Variants in DUS2 observed in about 807,000 individuals in gnomAD.
DUS2 encodes tRNA-dihydrouridine(20) synthase [NAD(P)+]-like.
In DUS2, 52 loss-of-function variants were observed where a neutral mutation model predicts 71.3. The observed-to-expected ratio is 0.73, with a 90% CI of 0.58 to 0.92. The LOEUF is 0.92. Among genes scored for constraint, DUS2 ranks in the 40% least tolerant of loss-of-function variants. The probability of loss-of-function intolerance (pLI) is 0.00; values close to 1 mark genes in which losing one functional copy is unlikely to be tolerated. For synonymous variants in DUS2, 204 were observed against 227.8 expected, an observed-to-expected ratio of 0.90 and a Z score of 0.94; for missense variants, 558 against 622.6, an observed-to-expected ratio of 0.90 and a Z score of 1.10.
intron 6 of DUS2, among the ~76,000 whole-genome samples, chr16:68,054,879 C>T (rs907835425): frequency 2.0e-5 from 3 of 152,096 alleles, no homozygotes; most frequent in African/African-American, 7.2e-5. Context: ...CCTGTCTCTA[C>T]TAAAAATACA....
At chr16:68,031,741 C>G (rs563430590) in intron 2 of DUS2, among the ~76,000 whole-genome samples, 1 of 152,156 alleles carries the variant, frequency 6.6e-6, no homozygotes, top group Admixed American at 6.6e-5. Flanking sequence ...GTTGCCCAGG[C>G]TGGAGGGCAG....
intron 4 of DUS2, among the ~76,000 whole-genome samples, chr16:68,049,795 T>C (rs1459011982): frequency 6.6e-6 from 1 of 152,136 alleles, no homozygotes; most frequent in East Asian, 1.9e-4. Context: ...CATCATAGCA[T>C]AGGAGGGACT....
At chr16:68,041,343 TG>T (rs2033622733) in intron 3 of DUS2, among the ~76,000 whole-genome samples, 1 of 152,208 alleles carries the variant, frequency 6.6e-6, no homozygotes, top group South Asian at 2.1e-4. Flanking sequence ...TGACAGTTTT[TG>T]GGAGGTGCTG....
At chr16:68,069,118 G>C (rs1384653822) in intron 10 of DUS2, among the ~76,000 whole-genome samples, 1 of 152,028 alleles carries the variant, frequency 6.6e-6, no homozygotes, top group African/African-American at 2.4e-5. Flanking sequence ...CCCGGGCGCG[G>C]TGGCTAACGC....
chr16:68,039,815 A>G (rs1429153310), intron 3 of DUS2, among the ~76,000 whole-genome samples: 1 of 152,112 alleles, frequency 6.6e-6, no homozygotes. Context: ...GCTCTAGCAC[A>G]TAGACATGAA....
Position 68,051,282 on chromosome 16 carries a change from T to C in DUS2, c.172+1732T>C, listed in dbSNP as rs560246857. Among the ~76,000 whole-genome samples the C allele has an allele frequency of 2.6e-5, 4 of 152,370 alleles. No individual in the cohort carries two copies. The South Asian group carries it at 6.2e-4, about 24-fold the overall frequency. Reference sequence around the variant, plus strand: ...CTTTAAACATCAAATGAGCGGATACTGAACCATTGACCCTGGGGTAAACAA... The same window carrying C: ...CTTTAAACATCAAATGAGCGGATACCGAACCATTGACCCTGGGGTAAACAA... On this transcript the variant is annotated intron_variant, in intron 4 of 16. Transcript: ENST00000565263.
At chr16:68,053,252 T>C (rs1017667598) in intron 4 of DUS2, among the ~76,000 whole-genome samples, 1 of 152,176 alleles carries the variant, frequency 6.6e-6, no homozygotes, top group African/African-American at 2.4e-5. Flanking sequence ...TAAGCCACCA[T>C]ACCCGGCCCG....
chr16:68,066,258 A>C, intron 8 of DUS2, 59 bp from the exon 9 acceptor site: 1 of 1,513,042 alleles, frequency 6.6e-7, no homozygotes, highest in East Asian at 2.3e-5. Context: ...TAATTAGTAC[A>C]GGCAGAGTGA....
At position 68,079,171 on chromosome 16, in the gene DUS2, T is replaced by A. The variant is rs1371910816; in HGVS notation, c.*185T>A. The A allele has an allele frequency of 8.3e-6, 4 of 484,116 alleles. No individual in the cohort carries two copies. Among genetic ancestry groups the A allele is most frequent in the Non-Finnish European group, 1.4e-5 (4 of 279,732 alleles). 30.0% of individuals were successfully genotyped at this position (484,116 alleles called of 1,614,324 possible). ...CGCCCAGGGGTGGATCCTGGCCCCT[T>A]TGGTGGATCTGAGTGACAGGGTCAA... On this transcript the variant is annotated 3_prime_UTR_variant, in exon 17 of 17. Transcript: ENST00000565263.
intron 6 of DUS2, among the ~76,000 whole-genome samples, chr16:68,055,707 G>A (rs2033842457): frequency 1.3e-5 from 2 of 151,976 alleles, no homozygotes; most frequent in Admixed American, 1.3e-4. Flanking sequence ...CTTAGTAAGT[G>A]TTAGCTATCG....
rs781280909 is a variant in DUS2, at chr16:68,028,952, C to G, written c.-19+3458C>G. On this transcript the variant is annotated intron_variant, in intron 2 of 16. Transcript: ENST00000565263. Reference sequence around the variant, plus strand: ...CACAGTGGGTCACGCCTGATTCCAGCACTTCAGAAGGTTAGGCAGGAGGAT... The same window carrying G: ...CACAGTGGGTCACGCCTGATTCCAGGACTTCAGAAGGTTAGGCAGGAGGAT... Among the ~76,000 whole-genome samples the G allele has an allele frequency of 1.3e-4, 20 of 152,196 alleles. No individual in the cohort carries two copies. In the South Asian group the frequency reaches 1.5e-3, roughly 11 times the overall value.
Position 68,038,047 on chromosome 16 carries a change from G to T in DUS2, c.24G>T (p.Leu8=). MILNSLS[L]CYHNKLILAP... The stretch of plus-strand genomic sequence containing the variant: ...AAATGATTTTGAATAGCCTCTCTCT[G>T]TGTTACCATAATAAGCTAATCCTGG... The change falls in exon 3 of 17, where the codon CTG becomes CTT. Residue 8 remains leucine, a synonymous_variant. Transcript: ENST00000565263. 1 of 1,613,756 alleles carries T rather than the reference G, an allele frequency of 6.2e-7. No homozygotes were observed. Among genetic ancestry groups the T allele is most frequent in the Non-Finnish European group, 8.5e-7 (1 of 1,179,860 alleles).
chr16:68,038,150 G>T lies in DUS2; in HGVS notation c.126+1G>T. The T allele has an allele frequency of 1.2e-6, 2 of 1,613,402 alleles. No homozygotes were observed. The highest frequency in any genetic ancestry group is 1.7e-4 in the Middle Eastern group (1 of 6,054). ...TGGAGCGGACATTGTTTACTGTGAG[G>T]TAAGGGGCTCTGATTTTCTGGGTGG... On this transcript the variant is annotated splice_donor_variant, in intron 3 of 16. Coordinates refer to ENST00000565263, the MANE Select transcript of DUS2 (RefSeq NM_017803.5). LOFTEE classifies it high-confidence loss of function.
At position 68,054,639 on chromosome 16, in the gene DUS2, A is replaced by G. The variant is rs768194056; in HGVS notation, c.308+22A>G. 6.2e-6 allele frequency: 10 copies of G among 1,614,098 alleles called. No individual in the cohort carries two copies. In the South Asian group the frequency reaches 1.1e-4, roughly 18 times the overall value. On this transcript the variant is annotated intron_variant, in intron 6 of 16. Coordinates refer to ENST00000565263, the MANE Select transcript of DUS2 (RefSeq NM_017803.5). ...TTGTGTAAGTTCATCCTCTGTCTTT[A>G]GCACTGCCTTTGCCTCTCCTTTGAG...
intron 2 of DUS2, among the ~76,000 whole-genome samples, chr16:68,035,895 T>TATATAA (rs1451018704): frequency 1.5e-4 from 1 of 6,656 alleles, no homozygotes; most frequent in African/African-American, 1.9e-4. Context: ...TATATATATA[T>TATATAA]ATATATATAT....
At position 68,056,420 on chromosome 16, in the gene DUS2, C is replaced by T. The variant is rs1219436032; in HGVS notation, c.365C>T (p.Thr122Ile). 1.9e-6 allele frequency: 3 copies of T among 1,612,748 alleles called. No homozygotes were observed. The highest frequency in any genetic ancestry group is 8.5e-7 in the Non-Finnish European group (1 of 1,179,088). ...VNMGCPKQYS[T>I]KGGMGAALLS... ...ATGGGCTGTCCAAAACAATATTCCA[C>T]CAAGGTAAACTGGTTTCTTTATACT... Residue 122 changes from threonine (T) to isoleucine (I), a missense_variant, in exon 7 of 17, where the codon ACC (threonine) becomes ATC (isoleucine). By Grantham distance (89) the Thr-to-Ile change is moderately conservative. Transcript: ENST00000565263.
At chr16:68,028,149 G>A (rs1438580415) in intron 2 of DUS2, among the ~76,000 whole-genome samples, 1 of 152,136 alleles carries the variant, frequency 6.6e-6, no homozygotes, top group Admixed American at 6.6e-5. Context: ...AGCATGGATT[G>A]GAAGTGATAA....
intron 6 of DUS2, 65 bp from the exon 7 acceptor site, chr16:68,056,299 C>A: frequency 1.4e-6 from 2 of 1,456,966 alleles, no homozygotes; most frequent in East Asian, 4.6e-5. Context: ...CCATCCATGC[C>A]TTTAATTTCA....
At chr16:68,067,961 A>G (rs902134727) in intron 10 of DUS2, among the ~76,000 whole-genome samples, 13 of 152,066 alleles carry the variant, frequency 8.5e-5, no homozygotes, top group Non-Finnish European at 5.9e-5. Context: ...TACCCAACCT[A>G]TTCTTTTAAA....
Sources: allele counts gnomAD v4.1 joint callset (sites outside exome capture counted in the v4.1 genomes callset), GRCh38; gene constraint gnomAD v4.1.1; transcripts MANE v1.5; gene names NCBI Gene and HGNC (gene_info 2026-07-23, HGNC 2026-07-21).